Variants in TTN observed in about 807,000 individuals in gnomAD.
TTN encodes the protein titin, also known as connectin.
Under a neutral mutation model 3,223.0 loss-of-function variants are expected in TTN, and 1,525 were observed. That is an observed-to-expected ratio of 0.47 (90% CI 0.45 to 0.49). The LOEUF (loss-of-function observed/expected upper bound fraction) is 0.49. Ranked by LOEUF, TTN falls within the 20% of genes least tolerant of loss-of-function variation. TTN has a pLI of 0.00. For synonymous variants in TTN, 14,094 were observed against 15,161.0 expected (o/e 0.93, Z 5.17); for missense variants, 40,786 against 43,424.0 (o/e 0.94, Z 5.40).
At chr2:178,745,813 T>C (rs1343674529) in intron 47 of TTN, 3 of 1,613,228 alleles carry the variant, frequency 1.9e-6, no homozygotes, top group Non-Finnish European at 1.7e-6. Flanking sequence ...AATATGCTGC[T>C]GTACCTATTG....
chr2:178,716,040 C>T (rs1271775641), intron 88 of TTN, among the ~76,000 whole-genome samples: 1 of 152,066 alleles, frequency 6.6e-6, no homozygotes, highest in Non-Finnish European at 1.5e-5. Flanking sequence ...CTCTCCCCAG[C>T]AAAAGAGTCC....
At chr2:178,694,761 T>G in intron 116 of TTN, 68 bp downstream of exon 116, 13 of 1,481,838 alleles carry the variant, frequency 8.8e-6, no homozygotes, top group Non-Finnish European at 1.2e-5. Flanking sequence ...TATAAATAAC[T>G]AATGTGAGTA....
At position 178,733,038 on chromosome 2, in the gene TTN, T is replaced by C. The variant is rs1280725528; in HGVS notation, c.16138A>G (p.Ile5380Val). Residue 5380 changes from isoleucine to valine, a missense_variant, in exon 55 of 363, where the codon ATT (isoleucine) becomes GTT (valine). Transcript: ENST00000589042. ...VNGTCRLDCKIAGSLPMRVSW... is the reference protein window; with the variant it reads ...VNGTCRLDCKVAGSLPMRVSW... ...ACCCTCATGGGGAGGGAGCCTGCAATTTTGCAGTCCAGTCTGCAGGTACCA... is the reference window on the plus strand; with the variant it reads ...ACCCTCATGGGGAGGGAGCCTGCAACTTTGCAGTCCAGTCTGCAGGTACCA... 1 of 1,613,446 alleles carries C rather than the reference T, an allele frequency of 6.2e-7. No individual in the cohort carries two copies. The highest frequency in any genetic ancestry group is 8.5e-7 in the Non-Finnish European group (1 of 1,179,670).
Position 178,608,214 on chromosome 2 carries a change from G to A in TTN, c.52669C>T (p.Pro17557Ser), listed in dbSNP as rs986749140. ...ENAAGPGKFS[P>S]PSDPKTAHDP... is the part of the protein sequence containing the mutation. ...TGTGCTGTTTTGGGATCTGAAGGTGGACTGAACTTTCCAGGTCCAGCTGCA... is the reference window on the plus strand; with the variant it reads ...TGTGCTGTTTTGGGATCTGAAGGTGAACTGAACTTTCCAGGTCCAGCTGCA... The change falls in exon 275 of 363, where the codon CCA becomes TCA. Residue 17557 changes from proline to serine, a missense_variant. Transcript: ENST00000589042. 3 of 1,604,578 alleles carry A rather than the reference G, an allele frequency of 1.9e-6. No homozygotes were observed. The highest frequency in any genetic ancestry group is 2.6e-6 in the Non-Finnish European group (3 of 1,174,920).
chr2:178,721,547 T>C (rs1206394290), intron 78 of TTN, among the ~76,000 whole-genome samples: 4 of 152,054 alleles, frequency 2.6e-5, no homozygotes, highest in Admixed American at 1.3e-4. Flanking sequence ...TTAGTAATGA[T>C]AAATCAGAAT....
intron 121 of TTN, among the ~76,000 whole-genome samples, chr2:178,691,535 C>T (rs1171905140): frequency 6.6e-6 from 1 of 152,188 alleles, no homozygotes; most frequent in Non-Finnish European, 1.5e-5. Context: ...AGACTCGCCA[C>T]TATTGACTTT....
intron 213 of TTN, among the ~76,000 whole-genome samples, chr2:178,648,128 G>T (rs563535808): frequency 6.6e-6 from 1 of 152,148 alleles, no homozygotes; most frequent in South Asian, 2.1e-4. Flanking sequence ...TCTTTCTAAA[G>T]CCCAAATCCT....
In TTN at chr2:178,735,083, C is replaced by A. The variant is rs1029971355; in HGVS notation, c.14936-95G>T. 2.2e-6 allele frequency: 3 copies of A among 1,335,010 alleles called. No individual in the cohort carries two copies. The African/African-American group carries it at 4.4e-5, about 20-fold the overall frequency. The allele number at this position is 1,335,010 out of a possible 1,614,324, so 82.7% of individuals were successfully genotyped here. A position where few individuals can be genotyped will look rare whatever the true frequency, so the allele number is the denominator to read the frequency against. The stretch of plus-strand genomic sequence containing the variant: ...ACATATACAACAAAGAGACCCAACA[C>A]ACATAAAATATCTCCACAAAATTTC... On this transcript the variant is annotated intron_variant, in intron 50 of 362. Coordinates refer to ENST00000589042, the MANE Select transcript of TTN (RefSeq NM_001267550.2).
Position 178,549,404 on chromosome 2 carries a change from G to A in TTN, c.92222C>T (p.Ala30741Val), listed in dbSNP as rs202090888. 82 of 1,613,562 alleles carry A rather than the reference G, an allele frequency of 5.1e-5. No individual in the cohort carries two copies. The highest frequency in any genetic ancestry group is 1.6e-4 in the Middle Eastern group (1 of 6,080). The change falls in exon 339 of 363, where the codon GCA becomes GTA. Residue 30741 changes from alanine (A) to valine (V), a missense_variant. By Grantham distance (64) the Ala-to-Val change is moderately conservative. Transcript: ENST00000589042. ...ACTGCCACCATCTGATTCTGGCCTT[G>A]CCCATGTCAGGGTAATGCTGTTGCC... ...ITGNSITLTWARPESDGGSEI... is the reference protein window; with the variant it reads ...ITGNSITLTWVRPESDGGSEI...
intron 259 of TTN, 82 bp downstream of exon 259, chr2:178,615,225 C>T (rs1311451950): frequency 1.3e-6 from 2 of 1,514,284 alleles, no homozygotes; most frequent in African/African-American, 1.4e-5. Flanking sequence ...TGAAAAAAGA[C>T]AAACATTTAA....
chr2:178,790,773 T>C lies in TTN; in HGVS notation c.1735A>G (p.Thr579Ala), dbSNP rs1561433227. ...VATAKSTKLETVPGAQEETTT... is the reference protein window; with the variant it reads ...VATAKSTKLEAVPGAQEETTT... ...GTTTCTTCTTGAGCTCCCGGGACTGTTTCTAGTTTTGTGGACTTTGCAGTG... is the reference window on the plus strand; with the variant it reads ...GTTTCTTCTTGAGCTCCCGGGACTGCTTCTAGTTTTGTGGACTTTGCAGTG... Residue 579 changes from threonine (T) to alanine (A), a missense_variant, in exon 11 of 363, where the codon ACA becomes GCA. Transcript: ENST00000589042. 15 of 1,614,156 alleles carry C rather than the reference T, an allele frequency of 9.3e-6. 1 individual carries two copies. Among genetic ancestry groups the C allele is most frequent in the Non-Finnish European group, 1.3e-5 (15 of 1,180,012 alleles).
In TTN at chr2:178,733,239, C is replaced by T. The variant is rs1190242728; in HGVS notation, c.16054G>A (p.Asp5352Asn). Residue 5352 changes from aspartate (D) to asparagine (N), a missense_variant and splice_region_variant, in exon 54 of 363, where the codon GAT (aspartate) becomes AAT (asparagine). Physicochemically the swap from Asp to Asn is conservative, Grantham distance 23 (BLOSUM62 1). Transcript: ENST00000589042. The part of the protein sequence containing the change: ...SSCETTFTVL[D>N]RDIAPFFTKP... ...AGCATCATTTTCTAAAAATACTAAC[C>T]TAATACAGTGAATGTAGTCTCACAG... 2.5e-6 allele frequency: 4 copies of T among 1,591,316 alleles called. No individual in the cohort carries two copies. Among genetic ancestry groups the T allele is most frequent in the Non-Finnish European group, 3.4e-6 (4 of 1,168,910 alleles).
rs772342556 is a variant in TTN, at chr2:178,595,566, C to T, written c.57788G>A (p.Ser19263Asn). 14 of 1,575,222 alleles carry T rather than the reference C, an allele frequency of 8.9e-6. No homozygotes were observed. The highest frequency in any genetic ancestry group is 1.7e-4 in the Middle Eastern group (1 of 6,032). The stretch of plus-strand genomic sequence containing the variant: ...CTCAACAAATGGACCCATGCCAATA[C>T]TATTTTCAGCCGCAATTCGGAAAAA... ...AYFFRIAAEN[S>N]IGMGPFVETS... Residue 19263 changes from serine to asparagine, a missense_variant, in exon 295 of 363, where the codon AGT (serine) becomes AAT (asparagine). Physicochemically the swap from Ser to Asn is conservative, Grantham distance 46. Coordinates refer to ENST00000589042, the MANE Select transcript of TTN (RefSeq NM_001267550.2).
Position 178,781,262 on chromosome 2 carries a change from A to G in TTN, c.3382T>C (p.Tyr1128His). 6.2e-7 allele frequency: 1 copy of G among 1,613,930 alleles called. No individual in the cohort carries two copies. Among genetic ancestry groups the G allele is most frequent in the African/African-American group, 1.3e-5 (1 of 75,064 alleles). Residue 1128 changes from tyrosine to histidine, a missense_variant and splice_region_variant, in exon 21 of 363, where the codon TAC becomes CAC. Tyr to His is a moderately conservative substitution (Grantham distance 83). Transcript: ENST00000589042. ...GTTTGTTTGTTGTAACTCACTTTGT[A>G]TCTTTATGTAAATGTACAAAATTTA... ...SGVPLTTGYR[Y>H]KVSYNKQTGE...
At position 178,723,680 on chromosome 2, in the gene TTN, C is replaced by T; in HGVS notation, c.21420G>A (p.Val7140=). Residue 7140 remains valine (V), a synonymous_variant, in exon 74 of 363, where the codon GTG becomes GTA. Coordinates refer to ENST00000589042, the MANE Select transcript of TTN (RefSeq NM_001267550.2). ...VLTVQEPPSF[V]KEPEPLEVLP... ...GTACTTCCAAAGGTTCAGGTTCTTT[C>T]ACAAAAGAGGGTGGTTCTATATAGA... 1 of 1,587,618 alleles carries T rather than the reference C, an allele frequency of 6.3e-7. No individual in the cohort carries two copies. The highest frequency in any genetic ancestry group is 8.6e-7 in the Non-Finnish European group (1 of 1,168,864).
chr2:178,677,740 A>C lies in TTN; in HGVS notation c.34172T>G (p.Ile11391Ser), dbSNP rs1445959149. The C allele has an allele frequency of 3.7e-6, 6 of 1,612,794 alleles. No homozygotes were observed. The highest frequency in any genetic ancestry group is 5.1e-6 in the Non-Finnish European group (6 of 1,179,248). Reference protein sequence around the residue: ...EEEVLPEEEEIPPEEEEVPPE... With the variant: ...EEEVLPEEEESPPEEEEVPPE... ...AGGAACTTCCTCTTCCTCAGGTGGAATTTCCTCTTCTTCAGGTAGAACTTC... is the reference window on the plus strand; with the variant it reads ...AGGAACTTCCTCTTCCTCAGGTGGACTTTCCTCTTCTTCAGGTAGAACTTC... Residue 11391 changes from isoleucine to serine, a missense_variant, in exon 146 of 363, where the codon ATT (isoleucine) becomes AGT (serine). Transcript: ENST00000589042.
chr2:178,666,739 G>T, intron 163 of TTN, 85 bp downstream of exon 163: 1 of 1,171,004 alleles, frequency 8.5e-7, no homozygotes, highest in Non-Finnish European at 1.2e-6. Flanking sequence ...TAGCCACTTT[G>T]GCTTAAAAGA....
chr2:178,527,854 A>G, intron 361 of TTN, 106 bp from the exon 362 acceptor site: 1 of 1,090,650 alleles, frequency 9.2e-7, no homozygotes, highest in East Asian at 2.5e-5. Context: ...ACACAGCAGC[A>G]TAACCCAAAC....
Position 178,694,611 on chromosome 2 carries a change from T to A in TTN, c.31414A>T (p.Ile10472Phe). 1 of 1,557,266 alleles carries A rather than the reference T, an allele frequency of 6.4e-7. No homozygotes were observed. Among genetic ancestry groups the A allele is most frequent in the Non-Finnish European group, 8.7e-7 (1 of 1,149,210 alleles). ...PSRTPVQEEVIEVKVPAVHTK... is the reference protein window; with the variant it reads ...PSRTPVQEEVFEVKVPAVHTK... ...CAAAGATGTATACCTTTCACTTCAA[T>A]AACTTCTTCCTGTACTGGAGTCCGG... Residue 10472 changes from isoleucine (I) to phenylalanine (F), a missense_variant, in exon 117 of 363, where the codon ATT (isoleucine) becomes TTT (phenylalanine). By Grantham distance (21) the Ile-to-Phe change is conservative. Transcript: ENST00000589042.
Sources: allele counts gnomAD v4.1 joint callset (sites outside exome capture counted in the v4.1 genomes callset), GRCh38; gene constraint gnomAD v4.1.1; transcripts MANE v1.5; gene names NCBI Gene and HGNC (gene_info 2026-07-23, HGNC 2026-07-21).